The following TRHDE variants were observed in gnomAD, a reference collection of about 807,000 sequenced individuals.
TRHDE encodes the protein thyrotropin-releasing hormone-degrading ectoenzyme.
Under a neutral mutation model 125.7 loss-of-function variants are expected in TRHDE, and 72 were observed. That is an observed-to-expected ratio of 0.57 (90% CI 0.47 to 0.70). The LOEUF is 0.70. TRHDE is among the 30% of genes least tolerant of loss of function. TRHDE has a pLI of 0.00. For missense variants in TRHDE, 1,110 were observed against 1,327.1 expected, an observed-to-expected ratio of 0.84 and a Z score of 2.54; for synonymous variants, 509 against 509.1, an observed-to-expected ratio of 1.00 and a Z score of 0.00.
chr12:72,115,683 C>T (rs1478913704), intron 2 of TRHDE, among the ~76,000 whole-genome samples: 2 of 152,026 alleles, frequency 1.3e-5, no homozygotes, highest in Non-Finnish European at 2.9e-5. Flanking sequence ...ACAATGGTTC[C>T]CTTTCCTCCA....
At chr12:72,100,624 A>G (rs1451476590) in intron 1 of TRHDE, among the ~76,000 whole-genome samples, 1 of 152,152 alleles carries the variant, frequency 6.6e-6, no homozygotes, top group Admixed American at 6.5e-5. Flanking sequence ...TAGAGAAATA[A>G]AGATTTCTGA....
chr12:72,240,563 C>T (rs1878456539), intron 2 of TRHDE, among the ~76,000 whole-genome samples: 1 of 151,364 alleles, frequency 6.6e-6, no homozygotes, highest in Non-Finnish European at 1.5e-5. Context: ...TTTCTTTCTC[C>T]AATTAATTTT....
intron 1 of TRHDE, among the ~76,000 whole-genome samples, chr12:72,097,908 T>C (rs148188104): frequency 2.7e-3 from 416 of 152,306 alleles, no homozygotes; most frequent in African/African-American, 9.8e-3. Context: ...GGGCTGTTTG[T>C]AGACAGTCAA....
intron 3 of TRHDE, among the ~76,000 whole-genome samples, chr12:72,415,884 A>T (rs1458741607): frequency 3.9e-5 from 6 of 151,940 alleles, no homozygotes; most frequent in Non-Finnish European, 4.4e-5. Flanking sequence ...TTCCTTTTTT[A>T]AAAAAATGTA....
At chr12:72,424,941 C>T (rs1346498505) in intron 3 of TRHDE, among the ~76,000 whole-genome samples, 1 of 151,824 alleles carries the variant, frequency 6.6e-6, no homozygotes, top group Admixed American at 6.6e-5. Flanking sequence ...TAAAATAAAA[C>T]TGAAATCACA....
chr12:72,319,073 G>A (rs1465823575), intron 2 of TRHDE, among the ~76,000 whole-genome samples: 1 of 152,110 alleles, frequency 6.6e-6, no homozygotes, highest in Admixed American at 6.6e-5. Flanking sequence ...TGAATGGGTA[G>A]GATGGGAGGT....
chr12:72,316,048 T>C (rs1328093551), intron 2 of TRHDE, among the ~76,000 whole-genome samples: 1 of 152,130 alleles, frequency 6.6e-6, no homozygotes, highest in East Asian at 1.9e-4. Context: ...TCAGAGGATG[T>C]TCTGCCAGCC....
intron 2 of TRHDE, among the ~76,000 whole-genome samples, chr12:72,239,454 C>T (rs1878431703): frequency 6.6e-6 from 1 of 152,150 alleles, no homozygotes; most frequent in African/African-American, 2.4e-5. Flanking sequence ...GACATGAAGT[C>T]TTTGCCCATG....
At chr12:72,548,210 C>A (rs1869512845) in intron 7 of TRHDE, among the ~76,000 whole-genome samples, 1 of 151,634 alleles carries the variant, frequency 6.6e-6, no homozygotes, top group Non-Finnish European at 1.5e-5. Flanking sequence ...TATAAATATA[C>A]TGCAATTTTG....
chr12:72,380,813 TCC>T, intron 3 of TRHDE, among the ~76,000 whole-genome samples: 2 of 137,396 alleles, frequency 1.5e-5, no homozygotes, highest in African/African-American at 2.7e-5. Flanking sequence ...CTTCCTTCCT[TCC>T]TTATTCCCTC....
chr12:72,387,703 TGA>T (rs1344033120), intron 3 of TRHDE, among the ~76,000 whole-genome samples: 1 of 152,162 alleles, frequency 6.6e-6, no homozygotes, highest in Non-Finnish European at 1.5e-5. Flanking sequence ...CAGTGGGAGA[TGA>T]TTGAATCATG....
intron 2 of TRHDE, among the ~76,000 whole-genome samples, chr12:72,195,387 T>C (rs1877421330): frequency 6.6e-6 from 1 of 152,146 alleles, no homozygotes; most frequent in Non-Finnish European, 1.5e-5. Context: ...AACCTTCCCT[T>C]TTCTTCACAG....
chr12:72,380,704 T>G (rs551519940), intron 3 of TRHDE, among the ~76,000 whole-genome samples: 186 of 131,290 alleles, frequency 1.4e-3, no homozygotes, highest in Non-Finnish European at 2.4e-3. Context: ...TGCAGCTTCC[T>G]TCCTTCCTTC....
At chr12:72,628,132 A>G (rs1799913511) in intron 15 of TRHDE, among the ~76,000 whole-genome samples, 1 of 151,944 alleles carries the variant, frequency 6.6e-6, no homozygotes, top group Admixed American at 6.6e-5. Flanking sequence ...CAGGGATCCA[A>G]TGATGAACAA....
chr12:72,567,246 C>G (rs566757680), intron 9 of TRHDE, among the ~76,000 whole-genome samples: 2 of 151,906 alleles, frequency 1.3e-5, no homozygotes, highest in African/African-American at 2.4e-5. Flanking sequence ...TGTTTTATTA[C>G]CAGACCGATT....
chr12:72,332,770 G>A lies in TRHDE; in HGVS notation c.1189-45225G>A, dbSNP rs534975824. 3.3e-5 allele frequency among the ~76,000 whole-genome samples: 5 copies of A among 152,282 alleles called. No individual in the cohort carries two copies. The South Asian group carries it at 1.0e-3, about 32-fold the overall frequency. ...CTGCTCTCAGAGACCTTACAATGGA[G>A]CCCCTTGCTATTCAGTGATCAGCAG... On this transcript the variant is annotated intron_variant, in intron 2 of 18. Transcript: ENST00000261180.
intron 2 of TRHDE, among the ~76,000 whole-genome samples, chr12:72,173,639 A>G (rs575937811): frequency 6.6e-6 from 1 of 152,292 alleles, no homozygotes; most frequent in African/African-American, 2.4e-5. Context: ...ATGGGACTTA[A>G]AAAAGGATTT....
At chr12:72,132,413 A>G (rs1875885979) in intron 2 of TRHDE, among the ~76,000 whole-genome samples, 1 of 152,244 alleles carries the variant, frequency 6.6e-6, no homozygotes, top group Non-Finnish European at 1.5e-5. Flanking sequence ...CCCAACAGGA[A>G]CCAGATCAGA....
At chr12:72,421,627 C>T (rs1873959414) in intron 3 of TRHDE, among the ~76,000 whole-genome samples, 1 of 152,138 alleles carries the variant, frequency 6.6e-6, no homozygotes, top group Admixed American at 6.6e-5. Context: ...AGGGAATTTG[C>T]AAAATCATGT....
Sources: allele counts gnomAD v4.1 joint callset (sites outside exome capture counted in the v4.1 genomes callset), GRCh38; gene constraint gnomAD v4.1.1; transcripts MANE v1.5; gene names NCBI Gene and HGNC (gene_info 2026-07-23, HGNC 2026-07-21).